Variants in SGMS1 observed in about 807,000 individuals in gnomAD.
SGMS1 encodes phosphatidylcholine:ceramide cholinephosphotransferase 1.
SGMS1 carries 13 observed loss-of-function variants against 46.2 expected under a neutral mutation model. The observed-to-expected ratio is 0.28, with a 90% CI of 0.18 to 0.45. SGMS1 has a LOEUF of 0.45. SGMS1 is among the 20% of genes least tolerant of loss of function. The probability of loss-of-function intolerance (pLI) is 1.00; values close to 1 mark genes in which losing one functional copy is unlikely to be tolerated. For missense variants in SGMS1, 324 were observed against 519.9 expected (o/e 0.62, Z 3.66); for synonymous variants, 203 against 187.8 (o/e 1.08, Z -0.66).
intron 6 of SGMS1, among the ~76,000 whole-genome samples, chr10:50,345,472 G>A (rs1847900534): frequency 6.6e-6 from 1 of 152,098 alleles, no homozygotes. Flanking sequence ...TACTAACTAT[G>A]TGAAAATAAC....
At chr10:50,558,870 T>C (rs1000406847) in intron 2 of SGMS1, among the ~76,000 whole-genome samples, 68 of 152,328 alleles carry the variant, frequency 4.5e-4, no homozygotes, top group African/African-American at 1.4e-3. Flanking sequence ...ATATGGATAA[T>C]ATACAAAATA....
At chr10:50,437,970 T>C (rs911797990) in intron 5 of SGMS1, among the ~76,000 whole-genome samples, 2 of 152,172 alleles carry the variant, frequency 1.3e-5, no homozygotes, top group African/African-American at 2.4e-5. Flanking sequence ...TACCTTTTCA[T>C]TGCATTTCTA....
At chr10:50,564,176 A>C (rs183850729) in intron 2 of SGMS1, among the ~76,000 whole-genome samples, 2 of 152,224 alleles carry the variant, frequency 1.3e-5, no homozygotes, top group African/African-American at 4.8e-5. Context: ...ACAGGTAGAA[A>C]GGATTTGGCA....
intron 6 of SGMS1, among the ~76,000 whole-genome samples, chr10:50,383,792 T>C (rs1387285201): frequency 1.4e-5 from 2 of 147,768 alleles, no homozygotes; most frequent in African/African-American, 2.7e-5. Flanking sequence ...AAAGATGCCA[T>C]TTTTTCAGTA....
At chr10:50,474,410 C>A (rs757875936) in intron 3 of SGMS1, among the ~76,000 whole-genome samples, 4 of 151,628 alleles carry the variant, frequency 2.6e-5, no homozygotes, top group Non-Finnish European at 4.4e-5. Context: ...TTTATTAGAC[C>A]CTCTCTCTAA....
intron 2 of SGMS1, among the ~76,000 whole-genome samples, chr10:50,575,481 G>A (rs986876804): frequency 6.6e-6 from 1 of 152,158 alleles, no homozygotes; most frequent in African/African-American, 2.4e-5. Context: ...AGGAGTTCCA[G>A]GCTGCAGTGA....
intron 2 of SGMS1, among the ~76,000 whole-genome samples, chr10:50,524,544 A>C (rs924706609): frequency 1.3e-5 from 2 of 152,188 alleles, no homozygotes; most frequent in Admixed American, 1.3e-4. Flanking sequence ...CTTTATAATA[A>C]ATAAACTTCA....
chr10:50,619,559 T>C (rs1423532740), intron 1 of SGMS1, among the ~76,000 whole-genome samples: 1 of 152,070 alleles, frequency 6.6e-6, no homozygotes, highest in East Asian at 1.9e-4. Flanking sequence ...GGGAGGGGAA[T>C]GAAGGAGAAA....
At chr10:50,526,023 A>C (rs950001259) in intron 2 of SGMS1, among the ~76,000 whole-genome samples, 1 of 152,228 alleles carries the variant, frequency 6.6e-6, no homozygotes, top group African/African-American at 2.4e-5. Flanking sequence ...GCTTCGCTAC[A>C]GGCCAAAAGT....
intron 7 of SGMS1, among the ~76,000 whole-genome samples, chr10:50,333,089 C>A (rs1189709017): frequency 2.0e-5 from 3 of 152,144 alleles, no homozygotes; most frequent in Admixed American, 6.5e-5. Context: ...CCTCCCAATT[C>A]CTTCAAATTT....
At chr10:50,566,157 C>T (rs1350038034) in intron 2 of SGMS1, among the ~76,000 whole-genome samples, 2 of 152,176 alleles carry the variant, frequency 1.3e-5, no homozygotes, top group Non-Finnish European at 1.5e-5. Flanking sequence ...CTTTGGCTTT[C>T]ATAAGTGCAG....
intron 2 of SGMS1, among the ~76,000 whole-genome samples, chr10:50,543,212 C>A (rs1838071691): frequency 6.6e-6 from 1 of 152,180 alleles, no homozygotes; most frequent in Non-Finnish European, 1.5e-5. Context: ...TGTGGCAAGG[C>A]TGGCAACTTG....
chr10:50,385,656 A>G (rs1848672045), intron 6 of SGMS1, among the ~76,000 whole-genome samples: 1 of 152,184 alleles, frequency 6.6e-6, no homozygotes, highest in Non-Finnish European at 1.5e-5. Flanking sequence ...AGATCTGATT[A>G]CAAAAAAAAA....
intron 5 of SGMS1, among the ~76,000 whole-genome samples, chr10:50,457,255 A>G (rs988671550): frequency 1.3e-5 from 2 of 152,234 alleles, no homozygotes; most frequent in Non-Finnish European, 2.9e-5. Context: ...TAAAAAAGGC[A>G]TACATCTTCA....
At chr10:50,546,514 C>A (rs1264554009) in intron 2 of SGMS1, among the ~76,000 whole-genome samples, 1 of 152,160 alleles carries the variant, frequency 6.6e-6, no homozygotes, top group Admixed American at 6.5e-5. Context: ...AAATGTGGCA[C>A]ATATACACCA....
intron 2 of SGMS1, among the ~76,000 whole-genome samples, chr10:50,535,632 T>C (rs1405491891): frequency 2.6e-5 from 4 of 152,190 alleles, no homozygotes; most frequent in African/African-American, 9.6e-5. Flanking sequence ...CCTCCCAAAG[T>C]GCTGGGATTA....
chr10:50,506,120 T>C (rs1837704653), intron 3 of SGMS1, among the ~76,000 whole-genome samples: 1 of 152,128 alleles, frequency 6.6e-6, no homozygotes, highest in African/African-American at 2.4e-5. Context: ...TAGAAGTCAT[T>C]CCCCCAGAGT....
intron 2 of SGMS1, among the ~76,000 whole-genome samples, chr10:50,588,930 T>C (rs1457210589): frequency 6.6e-6 from 1 of 151,978 alleles, no homozygotes. Context: ...AGGGTTTCAC[T>C]ATGTTGGCCA....
chr10:50,576,392 C>T (rs1313870614), intron 2 of SGMS1, among the ~76,000 whole-genome samples: 3 of 152,218 alleles, frequency 2.0e-5, no homozygotes, highest in African/African-American at 7.2e-5. Context: ...ATCTCAGAGT[C>T]ACCCTTGTCC....
Sources: allele counts gnomAD v4.1 joint callset (sites outside exome capture counted in the v4.1 genomes callset), GRCh38; gene constraint gnomAD v4.1.1; transcripts MANE v1.5; gene names NCBI Gene and HGNC (gene_info 2026-07-23, HGNC 2026-07-21).